Variants in CNTNAP2 observed in about 807,000 individuals in gnomAD.
CNTNAP2 encodes contactin associated protein 2.
In CNTNAP2, 98 loss-of-function variants were observed where a neutral mutation model predicts 155.2. The ratio of observed to expected loss-of-function variants is 0.63; its 90% CI spans 0.54 to 0.75. The LOEUF is 0.75. Among genes scored for constraint, CNTNAP2 ranks in the 30% least tolerant of loss-of-function variants. The pLI, the probability that CNTNAP2 is intolerant of heterozygous loss-of-function variation, is 0.00. For synonymous variants in CNTNAP2, 651 were observed against 631.2 expected (o/e 1.03, Z -0.47); for missense variants, 1,727 against 1,688.1 (o/e 1.02, Z -0.40).
At chr7:146,621,024 C>T (rs1308974741) in intron 1 of CNTNAP2, among the ~76,000 whole-genome samples, 1 of 152,050 alleles carries the variant, frequency 6.6e-6, no homozygotes, top group Non-Finnish European at 1.5e-5. Context: ...CCTCATTTAG[C>T]TACATTGAAC....
intron 11 of CNTNAP2, among the ~76,000 whole-genome samples, chr7:147,509,157 C>A (rs1348526389): frequency 6.6e-6 from 1 of 152,012 alleles, no homozygotes; most frequent in Non-Finnish European, 1.5e-5. Context: ...TTGGCATGTT[C>A]TTCATTACTC....
chr7:146,911,191 C>CT (rs1305031808), intron 3 of CNTNAP2, among the ~76,000 whole-genome samples: 2 of 152,060 alleles, frequency 1.3e-5, no homozygotes, highest in Non-Finnish European at 2.9e-5. Context: ...AATAGGAACA[C>CT]TTTTACACTG....
chr7:146,211,303 C>T (rs1490570040), intron 1 of CNTNAP2, among the ~76,000 whole-genome samples: 12 of 152,048 alleles, frequency 7.9e-5, no homozygotes, highest in Admixed American at 7.2e-4. Flanking sequence ...CCGGCAATTT[C>T]GAAAGAGGTG....
chr7:147,438,231 T>C (rs1797583780), intron 10 of CNTNAP2, among the ~76,000 whole-genome samples: 1 of 152,226 alleles, frequency 6.6e-6, no homozygotes, highest in Admixed American at 6.5e-5. Context: ...CCATTCAATA[T>C]GATGCTAGCT....
At position 147,462,300 on chromosome 7, in the gene CNTNAP2, T is replaced by A. The variant is rs74572035; in HGVS notation, c.1671-23635T>A. Among the ~76,000 whole-genome samples, 636 of 152,140 alleles carry A rather than the reference T, an allele frequency of 4.2e-3. 6 individuals carry two copies. The East Asian group carries it at 0.043, about 10-fold the overall frequency. ...CGGAATTTGCCAAATTTGCTTAGAG[T>A]CCCCAGTGCTTCATACAGTGCATGA... On this transcript the variant is annotated intron_variant, in intron 10 of 23. Transcript: ENST00000361727.
chr7:147,986,376 TC>T (rs1306944152), intron 15 of CNTNAP2, among the ~76,000 whole-genome samples: 1 of 152,242 alleles, frequency 6.6e-6, no homozygotes, highest in Non-Finnish European at 1.5e-5. Flanking sequence ...AGTAACTATT[TC>T]CTGAGAAGAT....
chr7:146,330,762 G>C (rs1801171694), intron 1 of CNTNAP2, among the ~76,000 whole-genome samples: 1 of 152,090 alleles, frequency 6.6e-6, no homozygotes, highest in South Asian at 2.1e-4. Context: ...GGATAGTAGC[G>C]ACAAAAATGG....
chr7:146,549,034 T>A (rs1798074933), intron 1 of CNTNAP2, among the ~76,000 whole-genome samples: 1 of 151,736 alleles, frequency 6.6e-6, no homozygotes, highest in South Asian at 2.1e-4. Context: ...GATTTTTGTA[T>A]GTGTAGTATA....
At chr7:146,877,627 GTATGTATGTGTGTATA>G (rs1189921540) in intron 3 of CNTNAP2, among the ~76,000 whole-genome samples, 1 of 151,466 alleles carries the variant, frequency 6.6e-6, no homozygotes, top group Admixed American at 6.6e-5. Context: ...GTGTGTGTAT[GTATGTATGTGTGTATA>G]TATGTGTATA....
intron 1 of CNTNAP2, among the ~76,000 whole-genome samples, chr7:146,404,006 T>G (rs866468365): frequency 6.7e-6 from 1 of 149,202 alleles, no homozygotes; most frequent in Non-Finnish European, 1.5e-5. Flanking sequence ...GCGCCTGTAG[T>G]CCCAGCTACT....
At chr7:146,875,549 A>G (rs1374241407) in intron 3 of CNTNAP2, among the ~76,000 whole-genome samples, 1 of 152,140 alleles carries the variant, frequency 6.6e-6, no homozygotes, top group East Asian at 1.9e-4. Context: ...AGCTCTTCGA[A>G]ATGTAAACAT....
In CNTNAP2 at chr7:146,374,290, T is replaced by G. The variant is rs1487466661; in HGVS notation, c.97+257317T>G. Among the ~76,000 whole-genome samples, 3 of 152,328 alleles carry G rather than the reference T, an allele frequency of 2.0e-5. No homozygotes were observed. The East Asian group carries it at 5.8e-4, about 29-fold the overall frequency. ...TTCCAAATTTAAAGCATTTATGAAG[T>G]GCACAGATTTTACCAGAAATTCACT... On this transcript the variant is annotated intron_variant, in intron 1 of 23. Transcript: ENST00000361727.
chr7:147,416,585 A>C (rs1797197417), intron 10 of CNTNAP2, among the ~76,000 whole-genome samples: 1 of 152,168 alleles, frequency 6.6e-6, no homozygotes, highest in African/African-American at 2.4e-5. Context: ...TTTCAAATTT[A>C]AGAAAGGAAA....
intron 1 of CNTNAP2, among the ~76,000 whole-genome samples, chr7:146,166,709 C>A (rs935894118): frequency 2.6e-5 from 4 of 152,102 alleles, no homozygotes; most frequent in African/African-American, 9.7e-5. Flanking sequence ...CCAGCCAAAA[C>A]CCCTTGGATT....
intron 16 of CNTNAP2, among the ~76,000 whole-genome samples, chr7:148,138,015 A>T (rs1028976270): frequency 6.6e-6 from 1 of 152,196 alleles, no homozygotes; most frequent in Non-Finnish European, 1.5e-5. Flanking sequence ...GATAGAAAGG[A>T]AACAATTTGT....
intron 3 of CNTNAP2, among the ~76,000 whole-genome samples, chr7:146,922,094 G>A (rs1796512033): frequency 6.6e-6 from 1 of 152,092 alleles, no homozygotes; most frequent in East Asian, 1.9e-4. Context: ...AATAATGCCA[G>A]TAGTCTGTTT....
intron 1 of CNTNAP2, among the ~76,000 whole-genome samples, chr7:146,232,673 T>C (rs117413048): frequency 6.6e-6 from 1 of 152,172 alleles, no homozygotes; most frequent in African/African-American, 2.4e-5. Context: ...AACTATTCTA[T>C]CTCTCTAATA....
At chr7:148,053,965 C>T (rs1358012013) in intron 15 of CNTNAP2, among the ~76,000 whole-genome samples, 1 of 149,308 alleles carries the variant, frequency 6.7e-6, no homozygotes, top group Non-Finnish European at 1.5e-5. Flanking sequence ...GTCTCTAATT[C>T]CACTTCTTTT....
chr7:147,640,602 G>C (rs1267286689), intron 13 of CNTNAP2, among the ~76,000 whole-genome samples: 2 of 152,162 alleles, frequency 1.3e-5, no homozygotes, highest in Non-Finnish European at 2.9e-5. Context: ...TTACAGAGAA[G>C]AGTTATAAGC....
Sources: allele counts gnomAD v4.1 joint callset (sites outside exome capture counted in the v4.1 genomes callset), GRCh38; gene constraint gnomAD v4.1.1; transcripts MANE v1.5; gene names NCBI Gene and HGNC (gene_info 2026-07-23, HGNC 2026-07-21).